NCKAP5: variants seen among roughly 807,000 people sequenced by gnomAD.
NCKAP5 encodes nck-associated protein 5.
A neutral mutation model predicts 167.0 loss-of-function variants in NCKAP5; 92 were observed. That is an observed-to-expected ratio of 0.55 (90% CI 0.47 to 0.66). The LOEUF (loss-of-function observed/expected upper bound fraction) is 0.66, where lower values mean the gene tolerates loss of function less well. Ranked by LOEUF, NCKAP5 falls within the 30% of genes least tolerant of loss-of-function variation. The pLI is 0.00. For synonymous variants in NCKAP5, 891 were observed against 877.4 expected, an observed-to-expected ratio of 1.02 and a Z score of -0.27; for missense variants, 2,378 against 2,315.0, an observed-to-expected ratio of 1.03 and a Z score of -0.56.
chr2:132,918,863 T>A (rs572430377), intron 8 of NCKAP5, among the ~76,000 whole-genome samples: 1 of 152,360 alleles, frequency 6.6e-6, no homozygotes, highest in East Asian at 1.9e-4. Context: ...GCCTAAAGGC[T>A]TTTGACAGTG....
chr2:133,546,855 A>T (rs1686729624), intron 2 of NCKAP5, among the ~76,000 whole-genome samples: 1 of 152,196 alleles, frequency 6.6e-6, no homozygotes, highest in African/African-American at 2.4e-5. Context: ...ATGCTTCAAA[A>T]GATTGAGAAA....
intron 4 of NCKAP5, 85 bp from the exon 5 acceptor site, chr2:133,213,864 C>A: frequency 7.6e-7 from 1 of 1,321,502 alleles, no homozygotes; most frequent in South Asian, 1.2e-5. Context: ...CTTTTGAGGT[C>A]TCTAGAGGAA....
intron 1 of NCKAP5, among the ~76,000 whole-genome samples, chr2:133,564,366 T>C (rs1336891129): frequency 6.6e-6 from 1 of 152,212 alleles, no homozygotes; most frequent in African/African-American, 2.4e-5. Context: ...TCTGTTTTTA[T>C]TGTGCCCATC....
chr2:133,353,172 G>A (rs1302341612), intron 3 of NCKAP5, among the ~76,000 whole-genome samples: 1 of 152,200 alleles, frequency 6.6e-6, no homozygotes, highest in Non-Finnish European at 1.5e-5. Context: ...CAGAGCATTA[G>A]TATTGGGACT....
chr2:133,369,253 C>T (rs974238209), intron 3 of NCKAP5, among the ~76,000 whole-genome samples: 5 of 152,046 alleles, frequency 3.3e-5, no homozygotes, highest in Non-Finnish European at 7.4e-5. Context: ...AGGATGATGT[C>T]GTGGAAGTCA....
At chr2:132,904,661 G>T (rs1331025100) in intron 8 of NCKAP5, among the ~76,000 whole-genome samples, 1 of 152,136 alleles carries the variant, frequency 6.6e-6, no homozygotes, top group Non-Finnish European at 1.5e-5. Context: ...CCACTGATTA[G>T]TACCATCTAA....
intron 7 of NCKAP5, among the ~76,000 whole-genome samples, chr2:132,987,633 G>A (rs796602823): frequency 1.3e-5 from 2 of 152,252 alleles, no homozygotes; most frequent in African/African-American, 4.8e-5. Flanking sequence ...ATAGAGCTGG[G>A]CCCAGAAAAC....
At position 133,555,713 on chromosome 2, in the gene NCKAP5, G is replaced by A. The variant is rs2104986416; in HGVS notation, c.-62+3337C>T. Among the ~76,000 whole-genome samples, 2 of 152,274 alleles carry A rather than the reference G, an allele frequency of 1.3e-5. 1 individual carries two copies. Among genetic ancestry groups the A allele is most frequent in the Middle Eastern group, 6.8e-3 (2 of 294 alleles). On this transcript the variant is annotated intron_variant, in intron 2 of 19. Coordinates refer to ENST00000409261, the MANE Select transcript of NCKAP5 (RefSeq NM_207363.3). Reference sequence around the variant, plus strand: ...ATTGGTATAATCCCCTTGAAAGACTGTTGGGCATTAGATCTGAGATACTCT... The same window carrying A: ...ATTGGTATAATCCCCTTGAAAGACTATTGGGCATTAGATCTGAGATACTCT...
At chr2:133,148,496 A>G (rs188290162) in intron 5 of NCKAP5, among the ~76,000 whole-genome samples, 1 of 152,280 alleles carries the variant, frequency 6.6e-6, no homozygotes, top group Admixed American at 6.5e-5. Context: ...CAGAGTGACC[A>G]TCTTACCCAG....
chr2:133,098,827 A>G (rs187371755), intron 6 of NCKAP5, among the ~76,000 whole-genome samples: 1 of 152,238 alleles, frequency 6.6e-6, no homozygotes, highest in Non-Finnish European at 1.5e-5. Flanking sequence ...AGAGAAGTAC[A>G]TGCTTAATTA....
chr2:133,259,374 A>G, intron 4 of NCKAP5, among the ~76,000 whole-genome samples: 1 of 152,332 alleles, frequency 6.6e-6, no homozygotes, highest in Non-Finnish European at 1.5e-5. Context: ...TTTATAACTA[A>G]CTTATAACTA....
At chr2:132,894,328 T>C (rs1316824760) in intron 8 of NCKAP5, among the ~76,000 whole-genome samples, 1 of 152,256 alleles carries the variant, frequency 6.6e-6, no homozygotes, top group African/African-American at 2.4e-5. Flanking sequence ...CTGAGTTTTA[T>C]ATTCTGGGTC....
At chr2:132,774,042 A>G in intron 15 of NCKAP5, 148 bp from the exon 16 acceptor site, 1 of 537,904 alleles carries the variant, frequency 1.9e-6, no homozygotes, top group Non-Finnish European at 3.2e-6. Flanking sequence ...GTATGTATGT[A>G]TACATATAAA....
chr2:133,050,239 A>G (rs2079554810), intron 6 of NCKAP5, among the ~76,000 whole-genome samples: 2 of 152,170 alleles, frequency 1.3e-5, no homozygotes, highest in Non-Finnish European at 1.5e-5. Flanking sequence ...CTTAGTTACA[A>G]AACCAGGGCT....
intron 3 of NCKAP5, among the ~76,000 whole-genome samples, chr2:133,367,182 C>G (rs1408355829): frequency 2.0e-5 from 3 of 152,214 alleles, no homozygotes; most frequent in South Asian, 2.1e-4. Flanking sequence ...GGAGCGGTGG[C>G]TTTCCCTGCC....
At chr2:133,290,436 C>T (rs931601642) in intron 4 of NCKAP5, among the ~76,000 whole-genome samples, 12 of 152,138 alleles carry the variant, frequency 7.9e-5, no homozygotes, top group African/African-American at 2.9e-4. Context: ...TACAAATATA[C>T]ATTTGATTAT....
In NCKAP5 at chr2:132,785,655, T is replaced by C. The variant is rs542388190; in HGVS notation, c.1156A>G (p.Ser386Gly). The C allele has an allele frequency of 6.6e-7, 1 of 1,518,902 alleles. No individual in the cohort carries two copies. Among genetic ancestry groups the C allele is most frequent in the Non-Finnish European group, 8.8e-7 (1 of 1,135,938 alleles). 94.1% of individuals were successfully genotyped at this position (1,518,902 alleles called of 1,614,324 possible). ...IDSSLPSGFASPTNELPPTRI... is the reference protein window; with the variant it reads ...IDSSLPSGFAGPTNELPPTRI... ...GTTGGAGGTAGTTCATTTGTAGGAC[T>C]AGCAAAGCCACTTGGGAGCGAAGAA... The change falls in exon 14 of 20, where the codon AGT (serine) becomes GGT (glycine). Residue 386 changes from serine to glycine, a missense_variant. Physicochemically the swap from Ser to Gly is moderately conservative, Grantham distance 56. Around this residue, in one of 3 missense-constraint regions of NCKAP5, gnomAD observed 1,049 missense variants for 1,023.4 expected, o/e 1.02. Coordinates refer to ENST00000409261, the MANE Select transcript of NCKAP5 (RefSeq NM_207363.3).
chr2:133,129,931 G>C, intron 6 of NCKAP5, 47 bp downstream of exon 6: 1 of 1,527,786 alleles, frequency 6.5e-7, no homozygotes, highest in South Asian at 1.3e-5. Context: ...TACTGGTGCA[G>C]AGAGAGATGC....
At chr2:133,270,865 A>G (rs1256194516) in intron 4 of NCKAP5, among the ~76,000 whole-genome samples, 1 of 148,816 alleles carries the variant, frequency 6.7e-6, no homozygotes, top group East Asian at 2.0e-4. Flanking sequence ...CTATTCTTGG[A>G]CCCGCTCCCA....
Sources: gnomAD v4.1 joint callset for allele counts (sites outside exome capture counted in the v4.1 genomes callset) on GRCh38, gnomAD v4.1.1 for gene constraint, gnomAD v4.1.1 regional missense constraint, MANE v1.5 for transcripts, NCBI Gene and HGNC (gene_info 2026-07-23, HGNC 2026-07-21) for gene names.